Variants in WDR70 observed in about 807,000 individuals in gnomAD.
WDR70 encodes the protein WD repeat-containing protein 70.
WDR70 carries 53 observed loss-of-function variants against 88.6 expected under a neutral mutation model. The ratio of observed to expected loss-of-function variants is 0.60; its 90% confidence interval spans 0.48 to 0.75. The LOEUF is 0.75. Ranked by LOEUF, WDR70 falls within the 30% of genes least tolerant of loss-of-function variation. WDR70 has a pLI of 0.00. For missense variants in WDR70, 610 were observed against 823.2 expected (o/e 0.74, Z 3.17); for synonymous variants, 280 against 270.0 (o/e 1.04, Z -0.36).
intron 8 of WDR70, among the ~76,000 whole-genome samples, chr5:37,499,384 G>A (rs1740327114): frequency 6.6e-6 from 1 of 151,836 alleles, no homozygotes; most frequent in Non-Finnish European, 1.5e-5. Flanking sequence ...AAAGTGCTGG[G>A]ATTACAGGTA....
intron 3 of WDR70, among the ~76,000 whole-genome samples, chr5:37,387,431 T>A (rs1460743773): frequency 6.6e-6 from 1 of 152,234 alleles, no homozygotes; most frequent in Non-Finnish European, 1.5e-5. Flanking sequence ...TGAAAAATTG[T>A]CTCAAGACTA....
At chr5:37,409,573 C>T (rs1423143501) in intron 5 of WDR70, among the ~76,000 whole-genome samples, 2 of 150,600 alleles carry the variant, frequency 1.3e-5, no homozygotes, top group African/African-American at 2.4e-5. Flanking sequence ...GGTGCGATCT[C>T]GTCCCCCTGC....
chr5:37,570,014 CA>C (rs1441815761), intron 9 of WDR70, among the ~76,000 whole-genome samples: 7 of 152,032 alleles, frequency 4.6e-5, no homozygotes, highest in Non-Finnish European at 8.8e-5. Flanking sequence ...CCAGGTTATG[CA>C]AGATGCTATA....
intron 9 of WDR70, among the ~76,000 whole-genome samples, chr5:37,576,376 G>C (rs914033494): frequency 6.6e-6 from 1 of 151,782 alleles, no homozygotes; most frequent in African/African-American, 2.4e-5. Context: ...TTATCATTCA[G>C]TTCAAATTCC....
At chr5:37,674,463 A>AT (rs1473266726) in intron 10 of WDR70, among the ~76,000 whole-genome samples, 3 of 151,916 alleles carry the variant, frequency 2.0e-5, no homozygotes, top group Non-Finnish European at 2.9e-5. Flanking sequence ...ATTCCCACCT[A>AT]TGAGTGAGAA....
chr5:37,416,803 C>G (rs1443449170), intron 5 of WDR70, among the ~76,000 whole-genome samples: 1 of 152,064 alleles, frequency 6.6e-6, no homozygotes, highest in Non-Finnish European at 1.5e-5. Flanking sequence ...TGGTCTCAAA[C>G]TCCTCAAGTG....
chr5:37,713,036 G>A (rs1281308092), intron 13 of WDR70, among the ~76,000 whole-genome samples: 1 of 152,090 alleles, frequency 6.6e-6, no homozygotes, highest in African/African-American at 2.4e-5. Flanking sequence ...TTTGTAACTA[G>A]CAGATTCTTG....
chr5:37,655,299 A>T (rs908116778), intron 10 of WDR70, among the ~76,000 whole-genome samples: 2 of 152,232 alleles, frequency 1.3e-5, no homozygotes, highest in African/African-American at 4.8e-5. Context: ...GTGTTTCTGC[A>T]GAGAGATGCG....
intron 9 of WDR70, among the ~76,000 whole-genome samples, chr5:37,580,061 TATAAATATGGAATTATACTGTCCATAGA>T (rs1351880701): frequency 1.3e-5 from 2 of 152,238 alleles, no homozygotes; most frequent in East Asian, 3.8e-4. Flanking sequence ...TATAACTTAG[TATAAATATGGAATTATACTGTCCATAGA>T]AACTCAAATA....
intron 17 of WDR70, among the ~76,000 whole-genome samples, chr5:37,733,238 CT>C (rs1403105477): frequency 6.6e-6 from 1 of 152,066 alleles, no homozygotes; most frequent in Non-Finnish European, 1.5e-5. Flanking sequence ...TTGCCTTCTC[CT>C]TTGTCTTCTC....
At chr5:37,420,229 A>T (rs1378799169) in intron 5 of WDR70, among the ~76,000 whole-genome samples, 1 of 152,162 alleles carries the variant, frequency 6.6e-6, no homozygotes, top group Non-Finnish European at 1.5e-5. Flanking sequence ...AAAGAGAAAA[A>T]AGTAAGTATT....
chr5:37,597,810 A>G (rs955772682), intron 9 of WDR70, among the ~76,000 whole-genome samples: 7 of 152,224 alleles, frequency 4.6e-5, no homozygotes, highest in African/African-American at 1.7e-4. Flanking sequence ...TTTTCTTTAC[A>G]AATTACCCAG....
intron 10 of WDR70, among the ~76,000 whole-genome samples, chr5:37,637,318 C>A (rs556041260): frequency 6.7e-5 from 10 of 148,952 alleles, no homozygotes; most frequent in Non-Finnish European, 1.2e-4. Flanking sequence ...GAGCGAGACT[C>A]TGTCTCAAAA....
intron 4 of WDR70, among the ~76,000 whole-genome samples, chr5:37,393,176 A>G (rs1042367789): frequency 1.1e-4 from 16 of 151,652 alleles, no homozygotes; most frequent in African/African-American, 3.9e-4. Context: ...TGAATAGCTG[A>G]GGTTACAGGT....
At chr5:37,385,832 C>A (rs1281090584) in intron 3 of WDR70, among the ~76,000 whole-genome samples, 1 of 152,036 alleles carries the variant, frequency 6.6e-6, no homozygotes, top group Non-Finnish European at 1.5e-5. Flanking sequence ...GAGACAGAGT[C>A]TTGCTCTGTC....
intron 3 of WDR70, among the ~76,000 whole-genome samples, chr5:37,388,365 C>T (rs1198823800): frequency 8.6e-5 from 13 of 151,086 alleles, no homozygotes; most frequent in Middle Eastern, 3.5e-3. Flanking sequence ...ATCTGCCTGC[C>T]GCAGCCTCCC....
At chr5:37,454,213 A>C (rs1242233413) in intron 7 of WDR70, among the ~76,000 whole-genome samples, 1 of 152,210 alleles carries the variant, frequency 6.6e-6, no homozygotes, top group Non-Finnish European at 1.5e-5. Flanking sequence ...CCTTGGCTTA[A>C]ACCCTATCAG....
At chr5:37,589,492 G>A (rs1447199827) in intron 9 of WDR70, among the ~76,000 whole-genome samples, 4 of 152,096 alleles carry the variant, frequency 2.6e-5, no homozygotes, top group Admixed American at 1.3e-4. Flanking sequence ...GGTTGAGGAG[G>A]TCACTTGGAA....
chr5:37,729,833 T>C (rs1002250219), intron 17 of WDR70, among the ~76,000 whole-genome samples: 1 of 152,182 alleles, frequency 6.6e-6, no homozygotes, highest in Non-Finnish European at 1.5e-5. Flanking sequence ...GAGATTTTCT[T>C]AGAGAACTGT....
Sources: allele counts gnomAD v4.1 joint callset (sites outside exome capture counted in the v4.1 genomes callset), GRCh38; gene constraint gnomAD v4.1.1; transcripts MANE v1.5; gene names NCBI Gene and HGNC (gene_info 2026-07-23, HGNC 2026-07-21).